The following GABRB1 variants were observed in gnomAD, a reference collection of about 807,000 sequenced individuals.
GABRB1 encodes the protein gamma-aminobutyric acid type A receptor subunit beta1.
Under a neutral mutation model 51.6 loss-of-function variants are expected in GABRB1, and 17 were observed. The ratio of observed to expected loss-of-function variants is 0.33; its 90% CI spans 0.23 to 0.49. The LOEUF (loss-of-function observed/expected upper bound fraction) is 0.49, where lower values mean the gene tolerates loss of function less well. Ranked by LOEUF, GABRB1 falls within the 20% of genes least tolerant of loss-of-function variation. The pLI is 0.99. For missense variants in GABRB1, 410 were observed against 600.6 expected (o/e 0.68, Z 3.32); for synonymous variants, 247 against 218.9 (o/e 1.13, Z -1.14).
Position 47,047,344 on chromosome 4 carries a change from C to T in GABRB1, c.240+14860C>T, listed in dbSNP as rs140408018. ...TACAAAGCAGGTACTATTCTAACCACTTTATGAATATTAACCTACTTAATC... is the reference window on the plus strand; with the variant it reads ...TACAAAGCAGGTACTATTCTAACCATTTTATGAATATTAACCTACTTAATC... On this transcript the variant is annotated intron_variant, in intron 3 of 8. Coordinates refer to ENST00000295454, the MANE Select transcript of GABRB1 (RefSeq NM_000812.4). Among the ~76,000 whole-genome samples, 9 of 152,152 alleles carry T rather than the reference C, an allele frequency of 5.9e-5. No individual in the cohort carries two copies. In the East Asian group the frequency reaches 1.3e-3, roughly 23 times the overall value.
chr4:47,221,144 G>A (rs1434749948), intron 4 of GABRB1, among the ~76,000 whole-genome samples: 1 of 151,880 alleles, frequency 6.6e-6, no homozygotes, highest in Admixed American at 6.6e-5. Context: ...ATTTCTAAAT[G>A]TAAATAAATA....
intron 4 of GABRB1, among the ~76,000 whole-genome samples, chr4:47,294,636 A>G (rs1031192562): frequency 6.6e-6 from 1 of 152,268 alleles, no homozygotes; most frequent in South Asian, 2.1e-4. Context: ...CCACAGCTCA[A>G]GGAGGCCTGT....
In GABRB1 at chr4:47,168,892, G is replaced by A. The variant is rs190531130; in HGVS notation, c.461+7423G>A. On this transcript the variant is annotated intron_variant, in intron 4 of 8. Coordinates refer to ENST00000295454, the MANE Select transcript of GABRB1 (RefSeq NM_000812.4). ...GGTCTGTTTCAGACCTCTCTTTTTG[G>A]TGCATAAATAGCCATCTTCCCCCTG... is the stretch of plus-strand genomic sequence containing the variant. 3.0e-4 allele frequency among the ~76,000 whole-genome samples: 45 copies of A among 152,012 alleles called. No homozygotes were observed. The East Asian group carries it at 8.4e-3, about 28-fold the overall frequency.
Position 47,398,949 on chromosome 4 carries a change from T to C in GABRB1, c.545-4369T>C, listed in dbSNP as rs1026470685. On this transcript the variant is annotated intron_variant, in intron 5 of 8. Transcript: ENST00000295454. ...GGGACTATAGGGGCCCGCCACCACG[T>C]CCGGCTAATTTTCTGTATTTTTAGT... Among the ~76,000 whole-genome samples the C allele has an allele frequency of 1.4e-4, 21 of 152,148 alleles. No homozygotes were observed. In the East Asian group the frequency reaches 3.7e-3, roughly 27 times the overall value.
chr4:47,008,506 C>G (rs1410681989), intron 1 of GABRB1, among the ~76,000 whole-genome samples: 1 of 151,312 alleles, frequency 6.6e-6, no homozygotes, highest in Non-Finnish European at 1.5e-5. Flanking sequence ...TCTTTTGCCC[C>G]AGCTGGAGTG....
At chr4:47,340,045 C>G (rs564348721) in intron 5 of GABRB1, among the ~76,000 whole-genome samples, 2 of 152,154 alleles carry the variant, frequency 1.3e-5, no homozygotes, top group Non-Finnish European at 2.9e-5. Context: ...ATTTGACATT[C>G]TGTTGCCAGT....
chr4:47,123,433 T>C (rs1405984488), intron 3 of GABRB1, among the ~76,000 whole-genome samples: 1 of 118,334 alleles, frequency 8.5e-6, no homozygotes, highest in Non-Finnish European at 1.6e-5. Flanking sequence ...TTATATATTA[T>C]AATATATTAT....
intron 4 of GABRB1, among the ~76,000 whole-genome samples, chr4:47,245,619 C>T (rs1721708609): frequency 6.6e-6 from 1 of 152,050 alleles, no homozygotes; most frequent in South Asian, 2.1e-4. Flanking sequence ...CTCCATGAAA[C>T]CCAATAGGAA....
chr4:47,282,095 G>T (rs188042345), intron 4 of GABRB1, among the ~76,000 whole-genome samples: 20 of 151,934 alleles, frequency 1.3e-4, no homozygotes, highest in Admixed American at 6.6e-5. Flanking sequence ...CTAATTAATT[G>T]ATTGACTCTT....
intron 3 of GABRB1, among the ~76,000 whole-genome samples, chr4:47,125,801 C>T (rs1489257499): frequency 1.3e-5 from 2 of 149,142 alleles, no homozygotes; most frequent in African/African-American, 4.9e-5. Context: ...GTGATCCGCC[C>T]GCCTCGGCCT....
intron 4 of GABRB1, among the ~76,000 whole-genome samples, chr4:47,170,271 G>GA (rs1262292973): frequency 1.1e-4 from 4 of 36,898 alleles, no homozygotes; most frequent in African/African-American, 5.3e-4. Flanking sequence ...GAATGTAAAA[G>GA]AAAGACGAGT....
intron 3 of GABRB1, among the ~76,000 whole-genome samples, chr4:47,113,289 G>A (rs1472235175): frequency 2.0e-5 from 3 of 151,860 alleles, no homozygotes; most frequent in Non-Finnish European, 4.4e-5. Flanking sequence ...CAGAGGCTGA[G>A]GAAGGAGAAT....
chr4:47,420,637 A>C (rs1729064447), intron 8 of GABRB1, among the ~76,000 whole-genome samples: 1 of 152,232 alleles, frequency 6.6e-6, no homozygotes, highest in Non-Finnish European at 1.5e-5. Flanking sequence ...GGCAATGTAC[A>C]ACATGACTTC....
chr4:47,039,706 A>T (rs1047769479), intron 3 of GABRB1, among the ~76,000 whole-genome samples: 15 of 152,160 alleles, frequency 9.9e-5, no homozygotes, highest in Non-Finnish European at 1.5e-5. Flanking sequence ...AGTTCTTCTC[A>T]TTTGCAGCCT....
At chr4:47,426,439 AAAAAAAAACAT>A (rs1262509728) in exon 9 of GABRB1, 3 of 152,186 alleles carry the variant, frequency 2.0e-5, no homozygotes, top group African/African-American at 7.3e-5. Flanking sequence ...AAAAAAAAAA[AAAAAAAAACAT>A]AAAAAAAAAC....
chr4:47,312,669 T>C (rs1724746391), intron 4 of GABRB1, among the ~76,000 whole-genome samples: 2 of 152,172 alleles, frequency 1.3e-5, no homozygotes, highest in South Asian at 4.1e-4. Flanking sequence ...ACATTTTTCT[T>C]TCATACAGAT....
chr4:47,284,774 AAAAC>A (rs1428831697), intron 4 of GABRB1, among the ~76,000 whole-genome samples: 4 of 152,248 alleles, frequency 2.6e-5, no homozygotes, highest in African/African-American at 7.2e-5. Context: ...GTGCAAGCAC[AAAAC>A]AAACAGTTTC....
At chr4:47,289,226 C>T (rs1723633840) in intron 4 of GABRB1, among the ~76,000 whole-genome samples, 1 of 152,060 alleles carries the variant, frequency 6.6e-6, no homozygotes, top group African/African-American at 2.4e-5. Flanking sequence ...AAAGGAATGC[C>T]ACATTTTCAA....
At chr4:47,264,920 T>C (rs1450395684) in intron 4 of GABRB1, among the ~76,000 whole-genome samples, 1 of 152,254 alleles carries the variant, frequency 6.6e-6, no homozygotes, top group Non-Finnish European at 1.5e-5. Flanking sequence ...CTATGTGCTT[T>C]CTGTGATTGT....
Sources: gnomAD v4.1 joint callset for allele counts (sites outside exome capture counted in the v4.1 genomes callset) on GRCh38, gnomAD v4.1.1 for gene constraint, MANE v1.5 for transcripts, NCBI Gene and HGNC (gene_info 2026-07-23, HGNC 2026-07-21) for gene names.